CDH4: variants seen among roughly 807,000 people sequenced by gnomAD.
CDH4 encodes the protein cadherin-4.
A neutral mutation model predicts 86.0 loss-of-function variants in CDH4; 33 were observed. That is an observed-to-expected ratio of 0.38 (90% CI 0.29 to 0.51). The LOEUF is 0.51. Ranked by LOEUF, CDH4 falls within the 20% of genes least tolerant of loss-of-function variation. The pLI is 0.86. For synonymous variants in CDH4, 555 were observed against 549.4 expected (o/e 1.01, Z -0.14); for missense variants, 1,114 against 1,307.4 (o/e 0.85, Z 2.28).
intron 2 of CDH4, among the ~76,000 whole-genome samples, chr20:61,700,170 G>A (rs993532857): frequency 1.3e-5 from 2 of 152,156 alleles, no homozygotes; most frequent in Admixed American, 1.3e-4. Flanking sequence ...CACTCCAGCC[G>A]TGAGCTCTGC....
At position 61,934,075 on chromosome 20, in the gene CDH4, TGCA is replaced by T. The variant is rs1404152195; in HGVS notation, c.2405_2407del (p.Gln802del). ...CCCCAGGACTACGACCTCAGCCAGC[TGCA>T]GCAGCCGGAAGCCATGGGGCACGTG... On this transcript the variant is annotated inframe_deletion, in exon 15 of 16. Coordinates refer to ENST00000614565, the MANE Select transcript of CDH4 (RefSeq NM_001794.5). 1.2e-6 allele frequency: 2 copies of T among 1,610,998 alleles called. No individual in the cohort carries two copies. Among genetic ancestry groups the T allele is most frequent in the Admixed American group, 3.3e-5 (2 of 59,982 alleles).
At chr20:61,914,519 T>C (rs6121843) in intron 9 of CDH4, among the ~76,000 whole-genome samples, 10,199 of 152,132 alleles carry the variant, frequency 0.067, 979 homozygotes, top group East Asian at 0.44. Flanking sequence ...AGAATAACCC[T>C]GGAATCAACG....
In CDH4 at chr20:61,663,781, G is replaced by A. The variant is rs536814129; in HGVS notation, c.170-79782G>A. ...AAGATCAGGAGCTCCCGGTGTCCAG[G>A]CTGCACAATGTGGGCACCACTGAAC... On this transcript the variant is annotated intron_variant, in intron 2 of 15. Transcript: ENST00000614565. The surrounding 1 kb of genome is among the most constrained non-coding windows in gnomAD (Gnocchi z 5.0). Among the ~76,000 whole-genome samples the A allele has an allele frequency of 3.9e-5, 6 of 152,256 alleles. No individual in the cohort carries two copies. In the South Asian group the frequency reaches 1.0e-3, roughly 26 times the overall value.
At position 61,293,218 on chromosome 20, in the gene CDH4, CT is replaced by C. The variant is rs1317083337; in HGVS notation, c.169+38282del. ...AGGACTTGGCCTGCGGGTTCTAGCT[CT>C]CCCCACATGCACGTAGTGGGACTTG... On this transcript the variant is annotated intron_variant, in intron 2 of 15. Coordinates refer to ENST00000614565, the MANE Select transcript of CDH4 (RefSeq NM_001794.5). Among the ~76,000 whole-genome samples, 5 of 152,266 alleles carry C rather than the reference CT, an allele frequency of 3.3e-5. No individual in the cohort carries two copies. The East Asian group carries it at 9.7e-4, about 29-fold the overall frequency.
chr20:61,637,342 C>T (rs978552606), intron 2 of CDH4, among the ~76,000 whole-genome samples: 21 of 152,194 alleles, frequency 1.4e-4, no homozygotes, highest in African/African-American at 4.3e-4. Context: ...CTCCCCTACC[C>T]GCAGCCCTGA....
intron 3 of CDH4, among the ~76,000 whole-genome samples, chr20:61,755,588 C>T (rs1259095067): frequency 2.0e-5 from 3 of 149,226 alleles, no homozygotes; most frequent in African/African-American, 7.6e-5. Context: ...ACACCACACA[C>T]ACCACATACA....
intron 2 of CDH4, among the ~76,000 whole-genome samples, chr20:61,527,343 G>T (rs1283349701): frequency 6.6e-6 from 1 of 151,868 alleles, no homozygotes; most frequent in African/African-American, 2.4e-5. Context: ...TCCACTTCCC[G>T]GGTTCAAGCA....
At position 61,517,508 on chromosome 20, in the gene CDH4, G is replaced by T. The variant is rs2085830472; in HGVS notation, c.170-226055G>T. On this transcript the variant is annotated intron_variant, in intron 2 of 15. Transcript: ENST00000614565. This position sits in a 1 kb window ranked among gnomAD's most constrained non-coding sequence, Gnocchi z 6.6. ...CCATGCCTGGCCTATAGACTTTTGT[G>T]TCTGGCGGCTTTTAAGAGTCAGACT... Among the ~76,000 whole-genome samples, 1 of 152,156 alleles carries T rather than the reference G, an allele frequency of 6.6e-6. No homozygotes were observed. The highest frequency in any genetic ancestry group is 6.5e-5 in the Admixed American group (1 of 15,284).
At chr20:61,451,898 G>A (rs1335144301) in intron 2 of CDH4, among the ~76,000 whole-genome samples, 3 of 152,214 alleles carry the variant, frequency 2.0e-5, no homozygotes, top group Non-Finnish European at 4.4e-5. Flanking sequence ...TAGGCACTTA[G>A]ATGATTTAGG....
At chr20:61,786,348 TGCAGTCTGC>T (rs1456396300) in intron 4 of CDH4, among the ~76,000 whole-genome samples, 2 of 152,116 alleles carry the variant, frequency 1.3e-5, no homozygotes, top group East Asian at 1.9e-4. Context: ...ATCGCCCTGC[TGCAGTCTGC>T]GAGTCGCCCG....
rs185430266 is a variant in CDH4, at chr20:61,718,930, G to T, written c.170-24633G>T. The T allele has an allele frequency of 2.9e-4, 138 of 471,056 alleles. 4 individuals are homozygous for T. The East Asian group carries it at 8.0e-3, about 27-fold the overall frequency. The allele number at this position is 471,056 out of a possible 1,614,324, so 29.2% of individuals were successfully genotyped here. The stretch of plus-strand genomic sequence containing the variant: ...TGGAGCTCTTCCAGCCCAGGGTGTT[G>T]GTTAGTGGGTGAAGCAGGGGTCTTC... On this transcript the variant is annotated intron_variant, in intron 2 of 15. Transcript: ENST00000614565.
chr20:61,275,248 A>G (rs1249194708), intron 2 of CDH4, among the ~76,000 whole-genome samples: 7 of 123,986 alleles, frequency 5.6e-5, no homozygotes, highest in African/African-American at 1.3e-4. Context: ...TTGGGGGAAT[A>G]CCGTGTGCAG....
At chr20:61,415,777 A>G (rs2085143622) in intron 2 of CDH4, among the ~76,000 whole-genome samples, 1 of 151,946 alleles carries the variant, frequency 6.6e-6, no homozygotes, top group Non-Finnish European at 1.5e-5. Context: ...TCAGCTCACT[A>G]AAACCTCTGT....
chr20:61,272,979 T>G (rs1176217300), intron 2 of CDH4, among the ~76,000 whole-genome samples: 116 of 21,696 alleles, frequency 5.3e-3, no homozygotes, highest in African/African-American at 7.6e-3. Context: ...TGTGCAGTTT[T>G]GGGGAGTACC....
intron 2 of CDH4, among the ~76,000 whole-genome samples, chr20:61,528,462 A>AGGAG (rs2085928208): frequency 8.9e-3 from 144 of 16,118 alleles, no homozygotes; most frequent in African/African-American, 0.015. Flanking sequence ...GGAGGGGGAG[A>AGGAG]GGGAGGGGGA....
chr20:61,565,911 T>C (rs1215466502), intron 2 of CDH4, among the ~76,000 whole-genome samples: 1 of 152,166 alleles, frequency 6.6e-6, no homozygotes, highest in Non-Finnish European at 1.5e-5. Context: ...ATCCACCCCC[T>C]CTGTCCTCAT....
At chr20:61,370,692 T>C (rs2084835282) in intron 2 of CDH4, 1 of 152,230 alleles carries the variant, frequency 6.6e-6, no homozygotes, top group African/African-American at 2.4e-5. Flanking sequence ...ATGGTAAATT[T>C]TTACAATATT....
intron 2 of CDH4, among the ~76,000 whole-genome samples, chr20:61,706,490 G>GC (rs2087831747): frequency 6.6e-6 from 1 of 152,212 alleles, no homozygotes; most frequent in South Asian, 2.1e-4. Context: ...GCCAAAGGCA[G>GC]CTGTTCAGGA....
At chr20:61,596,656 T>G (rs894070253) in intron 2 of CDH4, among the ~76,000 whole-genome samples, 5 of 152,196 alleles carry the variant, frequency 3.3e-5, no homozygotes, top group African/African-American at 1.2e-4. Flanking sequence ...TGGTCTGGGT[T>G]TGGGATACAG....
Sources: gnomAD v4.1 joint callset for allele counts (sites outside exome capture counted in the v4.1 genomes callset) on GRCh38, gnomAD v4.1.1 for gene constraint, Gnocchi (gnomAD v3.1) non-coding constraint, MANE v1.5 for transcripts, NCBI Gene and HGNC (gene_info 2026-07-23, HGNC 2026-07-21) for gene names.